ST6GAL2: variants seen among roughly 807,000 people sequenced by gnomAD.
ST6GAL2 encodes ST6 beta-galactoside alpha-2,6-sialyltransferase 2.
Under a neutral mutation model 37.5 loss-of-function variants are expected in ST6GAL2, and 24 were observed. The ratio of observed to expected loss-of-function variants is 0.64; its 90% CI spans 0.46 to 0.90. ST6GAL2 has a LOEUF of 0.90. Among genes scored for constraint, ST6GAL2 ranks in the 40% least tolerant of loss-of-function variants. The pLI is 0.00. For synonymous variants in ST6GAL2, 306 were observed against 295.1 expected (o/e 1.04, Z -0.38); for missense variants, 715 against 712.7 (o/e 1.00, Z -0.04).
intron 5 of ST6GAL2, among the ~76,000 whole-genome samples, chr2:106,807,686 T>G (rs555394919): frequency 6.7e-6 from 1 of 149,380 alleles, no homozygotes; most frequent in Non-Finnish European, 1.5e-5. Flanking sequence ...TGGAGTGCAG[T>G]GGCGCGATCT....
At chr2:106,816,859 A>G (rs182660587) in intron 5 of ST6GAL2, among the ~76,000 whole-genome samples, 1 of 152,274 alleles carries the variant, frequency 6.6e-6, no homozygotes, top group African/African-American at 2.4e-5. Flanking sequence ...CCTTGCCAAC[A>G]CCGTGCCTCC....
Position 106,843,062 on chromosome 2 carries a change from G to T in ST6GAL2, c.916C>A (p.Leu306Ile). ...CAVVMSAGAI[L>I]NSSLGEEIDS... ...ATTTCCTCGCCCAAGGAAGAGTTGAGGATTGCGCCTGCAGACATGACGACA... is the reference window on the plus strand; with the variant it reads ...ATTTCCTCGCCCAAGGAAGAGTTGATGATTGCGCCTGCAGACATGACGACA... The change falls in exon 2 of 6, where the codon CTC becomes ATC. Residue 306 changes from leucine (L) to isoleucine (I), a missense_variant. By Grantham distance (5) the Leu-to-Ile change is conservative (BLOSUM62 2). This residue lies in a region of ST6GAL2 where 512 missense variants were observed against 488.8 expected (regional missense o/e 1.05). Coordinates refer to ENST00000409382, the MANE Select transcript of ST6GAL2 (RefSeq NM_001142351.2). The T allele has an allele frequency of 6.8e-7, 1 of 1,475,394 alleles. No individual in the cohort carries two copies. The highest frequency in any genetic ancestry group is 9.0e-7 in the Non-Finnish European group (1 of 1,113,924). The allele number at this position is 1,475,394 out of a possible 1,614,324, so 91.4% of individuals were successfully genotyped here. A position where few individuals can be genotyped will look rare whatever the true frequency, so the allele number is the denominator to read the frequency against.
At chr2:106,808,819 G>A (rs188396665) in intron 5 of ST6GAL2, among the ~76,000 whole-genome samples, 28 of 152,118 alleles carry the variant, frequency 1.8e-4, no homozygotes, top group East Asian at 5.8e-4. Context: ...GTCACTTGCC[G>A]ACATGGTGAA....
intron 4 of ST6GAL2, among the ~76,000 whole-genome samples, chr2:106,830,459 T>C (rs1369811204): frequency 6.6e-6 from 1 of 152,198 alleles, no homozygotes; most frequent in African/African-American, 2.4e-5. Flanking sequence ...TGCTTTGTGC[T>C]TAAGTAAAAT....
chr2:106,879,969 A>G (rs988722810), intron 1 of ST6GAL2, among the ~76,000 whole-genome samples: 3 of 148,768 alleles, frequency 2.0e-5, no homozygotes, highest in African/African-American at 7.3e-5. Context: ...CCAATTACAT[A>G]CTATTATATA....
At chr2:106,853,491 G>T (rs1180584515) in intron 1 of ST6GAL2, among the ~76,000 whole-genome samples, 5 of 152,184 alleles carry the variant, frequency 3.3e-5, no homozygotes, top group African/African-American at 4.8e-5. Context: ...AGCCTGGAAG[G>T]CTTCAAGCAA....
At chr2:106,860,711 T>C (rs1677764448) in intron 1 of ST6GAL2, among the ~76,000 whole-genome samples, 1 of 152,124 alleles carries the variant, frequency 6.6e-6, no homozygotes. Flanking sequence ...TTTTGAAATA[T>C]AATTTTAATG....
At chr2:106,819,701 A>G (rs1054217500) in intron 5 of ST6GAL2, among the ~76,000 whole-genome samples, 6 of 152,106 alleles carry the variant, frequency 3.9e-5, no homozygotes, top group African/African-American at 7.2e-5. Flanking sequence ...AAGTACATAG[A>G]ATATTATAAT....
chr2:106,881,768 A>C (rs1678761139), intron 1 of ST6GAL2, among the ~76,000 whole-genome samples: 1 of 152,244 alleles, frequency 6.6e-6, no homozygotes. Context: ...CAAACAGTAG[A>C]AGCAGCCCAG....
intron 4 of ST6GAL2, among the ~76,000 whole-genome samples, chr2:106,831,037 G>A (rs192083254): frequency 5.5e-4 from 83 of 152,278 alleles, no homozygotes; most frequent in African/African-American, 1.8e-3. Flanking sequence ...GAGAGAGTAG[G>A]GAGAAGTTCA....
intron 1 of ST6GAL2, among the ~76,000 whole-genome samples, chr2:106,866,458 C>T (rs770502236): frequency 6.6e-6 from 1 of 152,170 alleles, no homozygotes; most frequent in African/African-American, 2.4e-5. Flanking sequence ...TTCATGATGC[C>T]TCATGAGCAC....
chr2:106,829,416 G>A (rs1676326022), intron 5 of ST6GAL2, among the ~76,000 whole-genome samples: 1 of 152,178 alleles, frequency 6.6e-6, no homozygotes, highest in African/African-American at 2.4e-5. Context: ...ATTACTTTGA[G>A]ACCACCATGC....
intron 1 of ST6GAL2, among the ~76,000 whole-genome samples, chr2:106,847,785 T>C (rs1209383826): frequency 1.3e-5 from 2 of 152,126 alleles, no homozygotes; most frequent in Non-Finnish European, 1.5e-5. Flanking sequence ...GGGTGAGATC[T>C]AGGGGGGATG....
chr2:106,862,557 C>G (rs1306131932), intron 1 of ST6GAL2, among the ~76,000 whole-genome samples: 1 of 152,026 alleles, frequency 6.6e-6, no homozygotes, highest in Non-Finnish European at 1.5e-5. Flanking sequence ...TGTTCTGGCT[C>G]TCTCAGAATG....
chr2:106,826,569 A>G (rs1000603865), intron 5 of ST6GAL2, among the ~76,000 whole-genome samples: 6 of 151,914 alleles, frequency 3.9e-5, no homozygotes, highest in Non-Finnish European at 8.8e-5. Context: ...TCAGAAAACA[A>G]CCAAATCTCA....
At chr2:106,850,771 G>C (rs1310680541) in intron 1 of ST6GAL2, among the ~76,000 whole-genome samples, 1 of 152,160 alleles carries the variant, frequency 6.6e-6, no homozygotes, top group Non-Finnish European at 1.5e-5. Flanking sequence ...GCTCGGCTAA[G>C]CAAGAGAAAA....
At chr2:106,847,794 T>G (rs1227042942) in intron 1 of ST6GAL2, among the ~76,000 whole-genome samples, 1 of 152,110 alleles carries the variant, frequency 6.6e-6, no homozygotes, top group Admixed American at 6.5e-5. Context: ...CTAGGGGGGA[T>G]GCAGTTCCAC....
At chr2:106,824,619 G>A (rs1676133043) in intron 5 of ST6GAL2, among the ~76,000 whole-genome samples, 1 of 152,178 alleles carries the variant, frequency 6.6e-6, no homozygotes, top group Admixed American at 6.5e-5. Flanking sequence ...ATGACAGAGT[G>A]AGAGTCCGTC....
intron 1 of ST6GAL2, among the ~76,000 whole-genome samples, chr2:106,879,298 G>T (rs1407508131): frequency 6.6e-6 from 1 of 152,132 alleles, no homozygotes; most frequent in African/African-American, 2.4e-5. Flanking sequence ...AAAGTGTAGA[G>T]TGAAGCAAGT....
Sources: allele counts gnomAD v4.1 joint callset (sites outside exome capture counted in the v4.1 genomes callset), GRCh38; gene constraint gnomAD v4.1.1; regional missense constraint gnomAD v4.1.1; transcripts MANE v1.5; gene names NCBI Gene and HGNC (gene_info 2026-07-23, HGNC 2026-07-21).